Variants in MEGF11 observed in about 807,000 individuals in gnomAD.
The protein encoded by MEGF11 is multiple epidermal growth factor-like domains protein 11.
MEGF11 carries 126 observed loss-of-function variants against 146.6 expected under a neutral mutation model. That is an observed-to-expected ratio of 0.86 (90% CI 0.74 to 1.00). MEGF11 has a LOEUF of 1.00. Ranked by LOEUF, MEGF11 falls within the 50% of genes least tolerant of loss-of-function variation. The pLI is 0.00. For missense variants in MEGF11, 1,509 were observed against 1,521.2 expected (o/e 0.99, Z 0.13); for synonymous variants, 532 against 583.4 (o/e 0.91, Z 1.27).
chr15:66,003,250 TC>T (rs1164035048), intron 5 of MEGF11, among the ~76,000 whole-genome samples: 1 of 152,130 alleles, frequency 6.6e-6, no homozygotes, highest in African/African-American at 2.4e-5. Context: ...TGCCTTGGCC[TC>T]CCAAAGTGCT....
intron 24 of MEGF11, among the ~76,000 whole-genome samples, chr15:65,904,658 C>T (rs537045773): frequency 2.0e-5 from 3 of 152,236 alleles, no homozygotes; most frequent in Non-Finnish European, 4.4e-5. Context: ...AAGACTAGAA[C>T]GGTAATCAGG....
rs1229131259 is a variant in MEGF11 at position 65,955,761 on chromosome 15, AATATATATAT to A, written c.1287+1776_1287+1785del. 1.2e-3 allele frequency among the ~76,000 whole-genome samples: 18 copies of A among 14,712 alleles called. 1 individual carries two copies. Among genetic ancestry groups the A allele is most frequent in the African/African-American group, 4.5e-3 (16 of 3,576 alleles). 9.7% of individuals were successfully genotyped at this position (14,712 alleles called of 152,430 possible). A position where few individuals can be genotyped will look rare whatever the true frequency, so the allele number is the denominator to read the frequency against. On this transcript the variant is annotated intron_variant, in intron 10 of 25. Transcript: ENST00000395614. ...TCTTAAAAAAAAAAAAAAAAAAAAAAATATATATATATATATATATATATATATATATACA... is the reference window on the plus strand; with the variant it reads ...TCTTAAAAAAAAAAAAAAAAAAAAAAATATATATATATATATATATATACA...
intron 12 of MEGF11, among the ~76,000 whole-genome samples, 188 bp downstream of exon 12, chr15:65,929,532 A>G (rs970983413): frequency 5.3e-5 from 8 of 152,146 alleles, no homozygotes; most frequent in African/African-American, 1.9e-4. Context: ...TTTATAGACG[A>G]GGGGGATGAG....
intron 8 of MEGF11, among the ~76,000 whole-genome samples, chr15:65,965,966 C>T (rs1448668791): frequency 1.3e-5 from 2 of 152,088 alleles, no homozygotes; most frequent in Admixed American, 6.6e-5. Flanking sequence ...ACTCTGCACC[C>T]ATTAAACAAA....
At chr15:65,971,769 A>G (rs1442851070) in intron 7 of MEGF11, among the ~76,000 whole-genome samples, 1 of 152,208 alleles carries the variant, frequency 6.6e-6, no homozygotes, top group Non-Finnish European at 1.5e-5. Flanking sequence ...ACATGAACAG[A>G]TGGCCAAGGA....
At position 65,897,840 on chromosome 15, in the gene MEGF11, G is replaced by C; in HGVS notation, c.*94C>G. 8.5e-7 allele frequency: 1 copy of C among 1,171,410 alleles called. No individual in the cohort carries two copies. The highest frequency in any genetic ancestry group is 1.2e-6 in the Non-Finnish European group (1 of 840,810). 72.6% of individuals were successfully genotyped at this position (1,171,410 alleles called of 1,614,324 possible). A position where few individuals can be genotyped will look rare whatever the true frequency, so the allele number is the denominator to read the frequency against. ...ACGTAATAACTAACATGCAGCTGGA[G>C]CCAGTCTGTACCATTACTTCAAGTC... On this transcript the variant is annotated 3_prime_UTR_variant, in exon 26 of 26. Transcript: ENST00000395614.
Position 65,930,936 on chromosome 15 carries a change from A to G in MEGF11, c.1295T>C (p.Val432Ala), listed in dbSNP as rs1184692334. ...CCCTGCTGCACAGGAAACGGCACAG[A>G]CCTCTCCCTGGAAAGGGAGGGGGTG... is the stretch of plus-strand genomic sequence containing the variant. The part of the protein sequence containing the change: ...CTCAPGFMGE[V>A]CAVSCAAGTY... The change falls in exon 11 of 26, where the codon GTC becomes GCC. Residue 432 changes from valine (V) to alanine (A), a missense_variant. Val to Ala is a moderately conservative substitution (Grantham distance 64). Transcript: ENST00000395614. The G allele has an allele frequency of 6.3e-7, 1 of 1,587,488 alleles. No homozygotes were observed.
chr15:65,957,355 CTAT>C (rs1427980184), intron 10 of MEGF11, among the ~76,000 whole-genome samples, 189 bp downstream of exon 10: 5 of 152,182 alleles, frequency 3.3e-5, no homozygotes, highest in Admixed American at 3.3e-4. Flanking sequence ...CCCCCTCCTC[CTAT>C]TATTTTTAGT....
At chr15:66,074,030 C>T (rs1156839522) in intron 5 of MEGF11, among the ~76,000 whole-genome samples, 1 of 152,156 alleles carries the variant, frequency 6.6e-6, no homozygotes, top group Non-Finnish European at 1.5e-5. Context: ...CAGATCTTAA[C>T]ATCCTCCAGT....
intron 4 of MEGF11, among the ~76,000 whole-genome samples, chr15:66,096,018 A>C (rs1165653351): frequency 2.0e-5 from 3 of 152,096 alleles, no homozygotes; most frequent in Non-Finnish European, 4.4e-5. Context: ...TTCTCACTGG[A>C]CTTTCCAAAC....
At chr15:65,936,245 C>G (rs1454201663) in intron 10 of MEGF11, among the ~76,000 whole-genome samples, 1 of 152,138 alleles carries the variant, frequency 6.6e-6, no homozygotes, top group South Asian at 2.1e-4. Context: ...GAATTGGGTG[C>G]ATACATAGCA....
At position 65,922,448 on chromosome 15, in the gene MEGF11, T is replaced by G; in HGVS notation, c.1847A>C (p.His616Pro). The change falls in exon 15 of 26, where the codon CAC (histidine) becomes CCC (proline). Residue 616 changes from histidine (H) to proline (P), a missense_variant. Physicochemically the swap from His to Pro is moderately conservative, Grantham distance 77 (BLOSUM62 -2). Transcript: ENST00000395614. ...QRICPPGFYG[H>P]GCAQPCPLCV... ...GAGGGGGCATGGCTGGGCGCAGCCG[T>G]GGCCATAGAACCCAGGGGGGCAGAC... 1.9e-6 allele frequency: 3 copies of G among 1,581,204 alleles called. No homozygotes were observed. The highest frequency in any genetic ancestry group is 2.6e-6 in the Non-Finnish European group (3 of 1,163,968).
At chr15:66,105,541 T>C (rs992993170) in intron 4 of MEGF11, among the ~76,000 whole-genome samples, 1 of 152,232 alleles carries the variant, frequency 6.6e-6, no homozygotes, top group Non-Finnish European at 1.5e-5. Context: ...TCAATTACTA[T>C]GTGCTGGCGG....
intron 1 of MEGF11, among the ~76,000 whole-genome samples, chr15:66,203,576 C>A (rs559171252): frequency 6.6e-6 from 1 of 152,222 alleles, no homozygotes; most frequent in African/African-American, 2.4e-5. Flanking sequence ...CCAAGGAGAA[C>A]TCTGACCAGA....
intron 1 of MEGF11, among the ~76,000 whole-genome samples, chr15:66,189,921 T>C (rs7181353): frequency 0.64 from 97,692 of 151,936 alleles, 32,215 homozygotes; most frequent in African/African-American, 0.78. Context: ...GTCAAGGCTG[T>C]AGTGAGCTAT....
intron 1 of MEGF11, among the ~76,000 whole-genome samples, chr15:66,198,216 T>C (rs1266116024): frequency 6.6e-6 from 1 of 152,226 alleles, no homozygotes; most frequent in Non-Finnish European, 1.5e-5. Flanking sequence ...TCCCTTAACA[T>C]AGACAAACGT....
At chr15:66,052,864 C>A (rs988087752) in intron 5 of MEGF11, among the ~76,000 whole-genome samples, 41 of 152,170 alleles carry the variant, frequency 2.7e-4, no homozygotes, top group African/African-American at 8.9e-4. Context: ...CCACCCTTGA[C>A]CAAAGAAATT....
chr15:65,919,912 CTT>C (rs2079121408), intron 15 of MEGF11, among the ~76,000 whole-genome samples: 1 of 135,474 alleles, frequency 7.4e-6, no homozygotes, highest in Non-Finnish European at 1.7e-5. Context: ...CCCGGCCAAA[CTT>C]TTAATTTAAA....
chr15:65,997,019 T>C (rs999471913), intron 5 of MEGF11, among the ~76,000 whole-genome samples: 4 of 152,172 alleles, frequency 2.6e-5, no homozygotes, highest in African/African-American at 9.7e-5. Context: ...CGCTTTGGGA[T>C]TGGGGACTTC....
Sources: allele counts gnomAD v4.1 joint callset (sites outside exome capture counted in the v4.1 genomes callset), GRCh38; gene constraint gnomAD v4.1.1; transcripts MANE v1.5; gene names NCBI Gene and HGNC (gene_info 2026-07-23, HGNC 2026-07-21).